Variants in RNF121 observed in about 807,000 individuals in gnomAD.
RNF121 encodes the protein ring finger protein 121.
Under a neutral mutation model 46.5 loss-of-function variants are expected in RNF121, and 21 were observed. That is an observed-to-expected ratio of 0.45 (90% CI 0.32 to 0.65). The LOEUF (loss-of-function observed/expected upper bound fraction) is 0.65, where lower values mean the gene tolerates loss of function less well. RNF121 is among the 30% of genes least tolerant of loss of function. The pLI is 0.04. For missense variants in RNF121, 346 were observed against 416.0 expected (o/e 0.83, Z 1.46); for synonymous variants, 139 against 144.7 (o/e 0.96, Z 0.28).
rs142553959 is a variant in RNF121 at position 71,941,714 on chromosome 11, G to A, written c.63+12590G>A. ...TGAAGACCTAGCAATTTCGAGATTT[G>A]GAAGCAGATATGTTCCAAGTGGAGG... On this transcript the variant is annotated intron_variant, in intron 1 of 8. Coordinates refer to ENST00000361756, the MANE Select transcript of RNF121 (RefSeq NM_018320.5). 1.6e-4 allele frequency among the ~76,000 whole-genome samples: 25 copies of A among 152,300 alleles called. No individual in the cohort carries two copies. The East Asian group carries it at 3.5e-3, about 21-fold the overall frequency.
At chr11:71,983,873 C>T (rs1362978172) in intron 4 of RNF121, 3 of 152,348 alleles carry the variant, frequency 2.0e-5, no homozygotes, top group Non-Finnish European at 4.4e-5. Flanking sequence ...GTAGATTGCT[C>T]TTCTTCCTAT....
chr11:71,929,221 G>C (rs1953200226), intron 1 of RNF121, 97 bp downstream of exon 1: 1 of 1,474,076 alleles, frequency 6.8e-7, no homozygotes, highest in African/African-American at 1.4e-5. Context: ...AGAAGGGAAA[G>C]ATCCTGAGAG....
chr11:71,986,782 A>G (rs983933677), intron 4 of RNF121, among the ~76,000 whole-genome samples: 4 of 151,698 alleles, frequency 2.6e-5, no homozygotes, highest in Non-Finnish European at 4.4e-5. Flanking sequence ...AAAAAAAAAA[A>G]AAAAAAAGAA....
At chr11:71,978,758 C>T (rs938940704) in intron 3 of RNF121, among the ~76,000 whole-genome samples, 2 of 152,326 alleles carry the variant, frequency 1.3e-5, no homozygotes, top group Middle Eastern at 6.8e-3. Flanking sequence ...TGCCTTAACT[C>T]ATTTAACCCA....
intron 3 of RNF121, among the ~76,000 whole-genome samples, chr11:71,962,513 C>A (rs1211216674): frequency 2.6e-5 from 4 of 152,124 alleles, no homozygotes; most frequent in Non-Finnish European, 4.4e-5. Context: ...ATGTGTTATT[C>A]ATTAGTTAAT....
chr11:71,934,377 G>A (rs1163674824), intron 1 of RNF121, among the ~76,000 whole-genome samples: 1 of 152,240 alleles, frequency 6.6e-6, no homozygotes, highest in Non-Finnish European at 1.5e-5. Context: ...TGGGGTGGGT[G>A]CAGTGGGCAC....
At chr11:71,978,143 C>T (rs913319499) in intron 3 of RNF121, 1 of 449,546 alleles carries the variant, frequency 2.2e-6, no homozygotes, top group Non-Finnish European at 4.5e-6. Flanking sequence ...TCAAGCGATC[C>T]ATCTGCCTCA....
At chr11:71,992,968 A>T (rs1954893448) in intron 6 of RNF121, among the ~76,000 whole-genome samples, 1 of 152,178 alleles carries the variant, frequency 6.6e-6, no homozygotes, top group Non-Finnish European at 1.5e-5. Flanking sequence ...CCACCCCAAG[A>T]AGGAATATTT....
chr11:71,954,471 C>T (rs1461649046), intron 1 of RNF121, among the ~76,000 whole-genome samples: 2 of 152,186 alleles, frequency 1.3e-5, no homozygotes, highest in African/African-American at 2.4e-5. Context: ...CTCTGCTTCA[C>T]CAACATTCAA....
chr11:71,987,550 C>T (rs1225794330), intron 5 of RNF121, among the ~76,000 whole-genome samples: 4 of 152,186 alleles, frequency 2.6e-5, no homozygotes, highest in African/African-American at 9.7e-5. Context: ...CAGCCCACAA[C>T]CTGTTATTAT....
intron 6 of RNF121, among the ~76,000 whole-genome samples, chr11:71,993,473 C>G (rs1029614159): frequency 5.1e-5 from 1 of 19,718 alleles, no homozygotes; most frequent in Non-Finnish European, 3.4e-4. Flanking sequence ...AATATTTGTC[C>G]CTTTGGCTTT....
intron 3 of RNF121, among the ~76,000 whole-genome samples, chr11:71,965,041 C>T (rs1488480199): frequency 6.6e-6 from 1 of 152,116 alleles, no homozygotes; most frequent in Non-Finnish European, 1.5e-5. Context: ...AACAATGTAA[C>T]AGTATGTGAC....
chr11:71,994,902 T>C (rs945070809), intron 7 of RNF121, 50 bp downstream of exon 7: 24 of 1,611,372 alleles, frequency 1.5e-5, no homozygotes, highest in Non-Finnish European at 2.0e-5. Flanking sequence ...ATCTGCACAC[T>C]GTAGTGAGAG....
intron 4 of RNF121, 73 bp from the exon 5 acceptor site, chr11:71,986,931 G>C: frequency 1.1e-6 from 1 of 875,184 alleles, no homozygotes; most frequent in Non-Finnish European, 1.9e-6. Context: ...TGAGAATAAA[G>C]GATTCTGGTG....
At chr11:71,959,278 A>G (rs1177104873) in intron 2 of RNF121, among the ~76,000 whole-genome samples, 1 of 152,098 alleles carries the variant, frequency 6.6e-6, no homozygotes, top group African/African-American at 2.4e-5. Context: ...CCCCCCTTAC[A>G]TTTTGTTATG....
intron 3 of RNF121, among the ~76,000 whole-genome samples, chr11:71,964,016 A>G (rs939652649): frequency 7.9e-5 from 12 of 152,240 alleles, no homozygotes; most frequent in African/African-American, 2.9e-4. Flanking sequence ...ATTCCTTATT[A>G]ATTTTAATAT....
intron 1 of RNF121, among the ~76,000 whole-genome samples, chr11:71,950,166 G>A (rs182533642): frequency 6.6e-6 from 1 of 152,308 alleles, no homozygotes; most frequent in Non-Finnish European, 1.5e-5. Flanking sequence ...AGCCAAAGAG[G>A]TGAAGGATTG....
chr11:71,956,828 C>T (rs78170050), intron 1 of RNF121, among the ~76,000 whole-genome samples: 4,948 of 152,310 alleles, frequency 0.032, 77 homozygotes, highest in East Asian at 0.078. Context: ...ATAAAGCCTT[C>T]CCTAGTCTAA....
At chr11:71,934,424 C>T (rs987111303) in intron 1 of RNF121, among the ~76,000 whole-genome samples, 2 of 152,230 alleles carry the variant, frequency 1.3e-5, no homozygotes, top group Admixed American at 6.5e-5. Context: ...TACGTCTCCT[C>T]TTCCCACTAG....
Sources: gnomAD v4.1 joint callset for allele counts (sites outside exome capture counted in the v4.1 genomes callset) on GRCh38, gnomAD v4.1.1 for gene constraint, MANE v1.5 for transcripts, NCBI Gene and HGNC (gene_info 2026-07-23, HGNC 2026-07-21) for gene names.